Variants in IMMP2L observed in about 807,000 individuals in gnomAD.
The protein encoded by IMMP2L is mitochondrial inner membrane protease subunit 2.
IMMP2L carries 18 observed loss-of-function variants against 19.3 expected under a neutral mutation model. That is an observed-to-expected ratio of 0.93 (90% CI 0.64 to 1.38). The LOEUF (loss-of-function observed/expected upper bound fraction) is 1.38. IMMP2L is among the 40% of genes most tolerant of loss of function. The pLI, the probability that IMMP2L is intolerant of heterozygous loss-of-function variation, is 0.00. For synonymous variants in IMMP2L, 76 were observed against 73.0 expected, an observed-to-expected ratio of 1.04 and a Z score of -0.21; for missense variants, 233 against 218.2, an observed-to-expected ratio of 1.07 and a Z score of -0.43.
intron 3 of IMMP2L, among the ~76,000 whole-genome samples, chr7:111,227,572 C>T (rs1467671601): frequency 6.6e-6 from 1 of 151,908 alleles, no homozygotes; most frequent in Non-Finnish European, 1.5e-5. Context: ...AAAGGAATCC[C>T]AAGAAATAAA....
rs548007821 is a variant in IMMP2L, at chr7:111,220,999, A to G, written c.240-257434T>C. ...ATTTGCTTACTGAGTTCACCATTTT[A>G]AACGCTAATCTCTTCGAGAAACACC... On this transcript the variant is annotated intron_variant, in intron 3 of 5. Coordinates refer to ENST00000405709, the MANE Select transcript of IMMP2L (RefSeq NM_032549.4). Among the ~76,000 whole-genome samples the G allele has an allele frequency of 3.9e-5, 6 of 152,040 alleles. No homozygotes were observed. The South Asian group carries it at 1.0e-3, about 26-fold the overall frequency.
At chr7:110,686,287 C>A (rs1003458847) in intron 5 of IMMP2L, among the ~76,000 whole-genome samples, 12 of 151,990 alleles carry the variant, frequency 7.9e-5, no homozygotes, top group African/African-American at 2.2e-4. Flanking sequence ...TTATAATAAT[C>A]CCCCTGTTTC....
At chr7:111,528,664 T>G (rs1353446380) in intron 1 of IMMP2L, among the ~76,000 whole-genome samples, 2 of 152,180 alleles carry the variant, frequency 1.3e-5, no homozygotes, top group East Asian at 3.8e-4. Flanking sequence ...TGCTTATATT[T>G]TAGCTTGTAC....
intron 5 of IMMP2L, among the ~76,000 whole-genome samples, chr7:110,789,707 C>T (rs1800332526): frequency 6.6e-6 from 1 of 151,686 alleles, no homozygotes; most frequent in Admixed American, 6.6e-5. Context: ...CCTCCACCAC[C>T]TCACTGACCT....
intron 3 of IMMP2L, among the ~76,000 whole-genome samples, chr7:111,468,232 C>T (rs1840869381): frequency 6.6e-6 from 1 of 152,066 alleles, no homozygotes; most frequent in Non-Finnish European, 1.5e-5. Flanking sequence ...GTATAGAAAG[C>T]ATATGTGTAA....
intron 3 of IMMP2L, among the ~76,000 whole-genome samples, chr7:111,038,547 C>T (rs1029902): frequency 0.018 from 2,692 of 152,166 alleles, 82 homozygotes; most frequent in African/African-American, 0.061. Flanking sequence ...TCACAATAAC[C>T]TAGGCACCAG....
At chr7:111,491,293 T>C (rs1239256143) in intron 2 of IMMP2L, among the ~76,000 whole-genome samples, 1 of 152,118 alleles carries the variant, frequency 6.6e-6, no homozygotes, top group Admixed American at 6.6e-5. Flanking sequence ...AGACTATTAG[T>C]AGTTAAGTTG....
At chr7:110,966,045 C>T (rs1330220381) in intron 3 of IMMP2L, among the ~76,000 whole-genome samples, 1 of 151,762 alleles carries the variant, frequency 6.6e-6, no homozygotes, top group Non-Finnish European at 1.5e-5. Context: ...CAAGAGCAGA[C>T]AGGTTAAATA....
intron 4 of IMMP2L, among the ~76,000 whole-genome samples, chr7:110,888,762 C>T (rs1810479547): frequency 6.6e-6 from 1 of 152,082 alleles, no homozygotes; most frequent in East Asian, 1.9e-4. Context: ...TTTTTCTTTT[C>T]TGAGCCTGCT....
At chr7:111,001,807 T>C (rs1823729475) in intron 3 of IMMP2L, among the ~76,000 whole-genome samples, 1 of 152,150 alleles carries the variant, frequency 6.6e-6, no homozygotes, top group South Asian at 2.1e-4. Flanking sequence ...TCATCTGATA[T>C]CATTCTCAAA....
chr7:110,682,015 T>C (rs554587105), intron 5 of IMMP2L, among the ~76,000 whole-genome samples: 49 of 152,282 alleles, frequency 3.2e-4, no homozygotes, highest in African/African-American at 1.1e-3. Context: ...TGTGTTGAGA[T>C]TGAAATCCAA....
chr7:111,366,369 G>GGCGCTGT (rs1829764546), intron 3 of IMMP2L, among the ~76,000 whole-genome samples: 1 of 150,934 alleles, frequency 6.6e-6, no homozygotes, highest in Admixed American at 6.6e-5. Flanking sequence ...AAAGAGCAAG[G>GGCGCTGT]GCGCTGTATT....
At chr7:111,199,754 G>T (rs906317286) in intron 3 of IMMP2L, among the ~76,000 whole-genome samples, 1 of 152,072 alleles carries the variant, frequency 6.6e-6, no homozygotes, top group African/African-American at 2.4e-5. Context: ...TCTTATGAGT[G>T]CATGTGCATT....
chr7:110,832,033 G>A (rs558624579), intron 5 of IMMP2L, among the ~76,000 whole-genome samples: 2 of 152,314 alleles, frequency 1.3e-5, no homozygotes, highest in East Asian at 3.9e-4. Context: ...GGAGGTTGAG[G>A]TGTGCGGATC....
chr7:111,043,753 A>C (rs1348777632), intron 3 of IMMP2L, among the ~76,000 whole-genome samples: 1 of 152,218 alleles, frequency 6.6e-6, no homozygotes, highest in Non-Finnish European at 1.5e-5. Flanking sequence ...TAATGAAGAA[A>C]TCTTAGTTAA....
chr7:111,513,728 T>A (rs1011399090), intron 2 of IMMP2L, among the ~76,000 whole-genome samples: 1 of 152,074 alleles, frequency 6.6e-6, no homozygotes, highest in Admixed American at 6.6e-5. Flanking sequence ...GATGAAGGGA[T>A]AAAGAAAGTG....
chr7:111,489,874 A>G (rs2132299306), intron 2 of IMMP2L, among the ~76,000 whole-genome samples: 1 of 152,180 alleles, frequency 6.6e-6, no homozygotes, highest in African/African-American at 2.4e-5. Context: ...TCAACAAATA[A>G]ATTTTTTTTT....
chr7:111,271,221 C>G (rs1416584567), intron 3 of IMMP2L, among the ~76,000 whole-genome samples: 1 of 152,056 alleles, frequency 6.6e-6, no homozygotes, highest in Admixed American at 6.6e-5. Context: ...GCTTCCCTTT[C>G]CATCATGATT....
At chr7:111,375,421 C>T (rs1449003074) in intron 3 of IMMP2L, among the ~76,000 whole-genome samples, 1 of 152,058 alleles carries the variant, frequency 6.6e-6, no homozygotes, top group Non-Finnish European at 1.5e-5. Context: ...TGGAAATGTG[C>T]ATTTTCAACA....
Sources: allele counts gnomAD v4.1 joint callset (sites outside exome capture counted in the v4.1 genomes callset), GRCh38; gene constraint gnomAD v4.1.1; transcripts MANE v1.5; gene names NCBI Gene and HGNC (gene_info 2026-07-23, HGNC 2026-07-21).